COL9A3: variants seen among roughly 807,000 people sequenced by gnomAD.
COL9A3 encodes collagen alpha-3(IX) chain.
In COL9A3, 82 loss-of-function variants were observed where a neutral mutation model predicts 110.2. The observed-to-expected ratio is 0.74, with a 90% CI of 0.62 to 0.89. The LOEUF (loss-of-function observed/expected upper bound fraction) is 0.89. Among genes scored for constraint, COL9A3 ranks in the 40% least tolerant of loss-of-function variants. COL9A3 has a pLI of 0.00. For synonymous variants in COL9A3, 494 were observed against 403.8 expected, an observed-to-expected ratio of 1.22 and a Z score of -2.68; for missense variants, 1,066 against 981.3, an observed-to-expected ratio of 1.09 and a Z score of -1.15.
chr20:62,836,925 C>A, intron 29 of COL9A3, 158 bp from the exon 30 acceptor site: 1 of 1,000,458 alleles, frequency 1.0e-6, no homozygotes, highest in Non-Finnish European at 1.6e-6. Context: ...TTTCTAGCTC[C>A]AGCATTCATC....
intron 12 of COL9A3, 29 bp from the exon 13 acceptor site, chr20:62,825,788 C>A (rs141513691): frequency 6.4e-7 from 1 of 1,550,768 alleles, no homozygotes; most frequent in Non-Finnish European, 8.7e-7. Context: ...CAGACTGGGC[C>A]GCTGACCACC....
chr20:62,817,411 G>T, intron 1 of COL9A3, 156 bp from the exon 2 acceptor site: 1 of 594,844 alleles, frequency 1.7e-6, no homozygotes, highest in Non-Finnish European at 2.9e-6. Flanking sequence ...GGGACACACT[G>T]CGCGGGGGCG....
chr20:62,835,775 A>G, intron 26 of COL9A3, 146 bp from the exon 27 acceptor site: 1 of 818,726 alleles, frequency 1.2e-6, no homozygotes, highest in Non-Finnish European at 2.1e-6. Context: ...AAATGTATAT[A>G]GAAGAACGGA....
Position 62,836,541 on chromosome 20 carries a change from G to A in COL9A3, c.1603+9G>A, listed in dbSNP as rs1259613805. ...TGGGGGGATGATCAGCGGTAAGTCAGCCACGTGCACCGGCTGCAGCGGGGC... is the reference window on the plus strand; with the variant it reads ...TGGGGGGATGATCAGCGGTAAGTCAACCACGTGCACCGGCTGCAGCGGGGC... On this transcript the variant is annotated intron_variant, in intron 29 of 31. Coordinates refer to ENST00000649368, the MANE Select transcript of COL9A3 (RefSeq NM_001853.4). 5 of 1,606,582 alleles carry A rather than the reference G, an allele frequency of 3.1e-6. No individual in the cohort carries two copies. The highest frequency in any genetic ancestry group is 4.2e-6 in the Non-Finnish European group (5 of 1,176,554).
chr20:62,829,403 T>C (rs1405362499), intron 19 of COL9A3, 52 bp from the exon 20 acceptor site: 1 of 1,610,494 alleles, frequency 6.2e-7, no homozygotes. Context: ...TGGGTGCTGC[T>C]GCCGGCGTGC....
chr20:62,822,215 T>G lies in COL9A3; in HGVS notation c.477+51T>G, dbSNP rs2063518394. On this transcript the variant is annotated intron_variant, in intron 9 of 31. Transcript: ENST00000649368. ...AAGTGCTGGGCATGGACTAGGACAC[T>G]GGGTTGGACCCTCCCCATTCCCCCT... 3.8e-6 allele frequency: 4 copies of G among 1,045,232 alleles called. No individual in the cohort carries two copies. The East Asian group carries it at 9.5e-5, about 25-fold the overall frequency. 64.7% of individuals were successfully genotyped at this position (1,045,232 alleles called of 1,614,324 possible).
intron 9 of COL9A3, 79 bp downstream of exon 9, chr20:62,822,243 C>T: frequency 1.2e-6 from 1 of 842,470 alleles, no homozygotes; most frequent in South Asian, 1.3e-5. Flanking sequence ...TTCCCCCTCC[C>T]CAGGCTCCAT....
chr20:62,827,264 A>C lies in COL9A3; in HGVS notation c.816A>C (p.Pro272=), dbSNP rs763862246. 1 of 1,613,266 alleles carries C rather than the reference A, an allele frequency of 6.2e-7. No individual in the cohort carries two copies. Among genetic ancestry groups the C allele is most frequent in the Non-Finnish European group, 8.5e-7 (1 of 1,179,974 alleles). The part of the protein sequence containing the change: ...GKAGDRGERG[P]EGFRGPKGDL... The stretch of plus-strand genomic sequence containing the variant: ...AGGGTGACCGAGGCGAGAGGGGCCC[A>C]GAAGGGTTCCGCGGCCCCAAGGGTG... The change falls in exon 16 of 32, where the codon CCA becomes CCC. Residue 272 remains proline (P), a synonymous_variant. Transcript: ENST00000649368.
intron 29 of COL9A3, 109 bp from the exon 30 acceptor site, chr20:62,836,974 G>A: frequency 7.1e-7 from 1 of 1,406,720 alleles, no homozygotes; most frequent in Non-Finnish European, 9.9e-7. Context: ...CAATCAGAAG[G>A]AAAACTTGCT....
chr20:62,822,465 G>A (rs2063519795), intron 9 of COL9A3, 126 bp from the exon 10 acceptor site: 2 of 1,042,862 alleles, frequency 1.9e-6, no homozygotes, highest in African/African-American at 3.2e-5. Context: ...GGGACAGGAT[G>A]AAGGGTCTCC....
rs1037746250 is a variant in COL9A3, at chr20:62,827,947, C to A, written c.871C>A (p.Pro291Thr). The change falls in exon 17 of 32, where the codon CCC (proline) becomes ACC (threonine). Residue 291 changes from proline (P) to threonine (T), a missense_variant. Physicochemically the swap from Pro to Thr is conservative, Grantham distance 38. Coordinates refer to ENST00000649368, the MANE Select transcript of COL9A3 (RefSeq NM_001853.4). The part of the protein sequence containing the change: ...DLGRPGPKGT[P>T]GVAGPSGEPG... Reference sequence around the variant, plus strand: ...GGGCAGACCTGGTCCCAAGGGAACCCCCGGAGTGGCCGGGCCAAGCGGAGA... The same window carrying A: ...GGGCAGACCTGGTCCCAAGGGAACCACCGGAGTGGCCGGGCCAAGCGGAGA... 6.2e-7 allele frequency: 1 copy of A among 1,612,856 alleles called. No homozygotes were observed. Among genetic ancestry groups the A allele is most frequent in the Non-Finnish European group, 8.5e-7 (1 of 1,180,010 alleles).
intron 12 of COL9A3, 115 bp from the exon 13 acceptor site, chr20:62,825,702 C>A: frequency 9.4e-7 from 1 of 1,062,576 alleles, no homozygotes; most frequent in African/African-American, 1.6e-5. Context: ...CAAGGCCCAG[C>A]TGTGAAGGGG....
intron 13 of COL9A3, 78 bp downstream of exon 13, chr20:62,825,948 C>T (rs1374197648): frequency 6.9e-7 from 1 of 1,455,748 alleles, no homozygotes; most frequent in Non-Finnish European, 9.4e-7. Context: ...ATATCTACCC[C>T]CGAGGGGGCC....
chr20:62,832,926 A>T, intron 25 of COL9A3, 94 bp from the exon 26 acceptor site: 1 of 1,178,786 alleles, frequency 8.5e-7, no homozygotes, highest in Non-Finnish European at 1.3e-6. Flanking sequence ...GATGAACATT[A>T]CACCTACGGA....
chr20:62,817,160 GC>G lies in COL9A3; in HGVS notation c.78+19del. 7.3e-7 allele frequency: 1 copy of G among 1,378,600 alleles called. No individual in the cohort carries two copies. Among genetic ancestry groups the G allele is most frequent in the Middle Eastern group, 2.7e-4 (1 of 3,728 alleles). 85.4% of individuals were successfully genotyped at this position (1,378,600 alleles called of 1,614,324 possible). A position where few individuals can be genotyped will look rare whatever the true frequency, so the allele number is the denominator to read the frequency against. On this transcript the variant is annotated intron_variant, in intron 1 of 31. Transcript: ENST00000649368. The stretch of plus-strand genomic sequence containing the variant: ...GGGCGCAGGTGAGCGCGAGCTCCGG[GC>G]TCTGAGGCTGGACGTGGAGCCGCGA...
At chr20:62,831,808 C>G (rs1437487650) in intron 24 of COL9A3, 2 of 384,324 alleles carry the variant, frequency 5.2e-6, no homozygotes, top group East Asian at 1.0e-4. Flanking sequence ...TTTCACAATG[C>G]CGGGGGAAGG....
At chr20:62,822,679 T>A (rs1460850572) in intron 10 of COL9A3, 47 bp downstream of exon 10, 30 of 1,593,610 alleles carry the variant, frequency 1.9e-5, no homozygotes, top group Non-Finnish European at 2.4e-5. Context: ...GGTGCCTACC[T>A]TGGGGGGAGG....
rs750944179 is a variant in COL9A3, at chr20:62,840,600, T to C, written c.1923T>C (p.Pro641=). 24 of 1,613,152 alleles carry C rather than the reference T, an allele frequency of 1.5e-5. No homozygotes were observed. The South Asian group carries it at 2.2e-4, about 15-fold the overall frequency. ...KDGQDGAPGE[P]GPPGDPGLPG... is the part of the protein sequence containing the mutation. Reference sequence around the variant, plus strand: ...GCCAGGACGGTGCTCCCGGCGAGCCTGGGCCTCCCGGAGATCCTGGGCTTC... The same window carrying C: ...GCCAGGACGGTGCTCCCGGCGAGCCCGGGCCTCCCGGAGATCCTGGGCTTC... The change falls in exon 32 of 32, where the codon CCT becomes CCC. Residue 641 remains proline, a synonymous_variant. Transcript: ENST00000649368.
rs1218743466 is a variant in COL9A3, at chr20:62,836,954, C to G, written c.1604-129C>G. ...ATTCATCACCCCAAAGCAGTTAAAC[C>G]ATTTTCCATCAATCAGAAGGAAAAC... On this transcript the variant is annotated intron_variant, in intron 29 of 31. Coordinates refer to ENST00000649368, the MANE Select transcript of COL9A3 (RefSeq NM_001853.4). 4 of 1,233,540 alleles carry G rather than the reference C, an allele frequency of 3.2e-6. No homozygotes were observed. The African/African-American group carries it at 5.9e-5, about 18-fold the overall frequency. 76.4% of individuals were successfully genotyped at this position (1,233,540 alleles called of 1,614,324 possible). A position where few individuals can be genotyped will look rare whatever the true frequency, so the allele number is the denominator to read the frequency against.
Sources: gnomAD v4.1 joint callset for allele counts on GRCh38, gnomAD v4.1.1 for gene constraint, MANE v1.5 for transcripts, NCBI Gene and HGNC (gene_info 2026-07-23, HGNC 2026-07-21) for gene names.